The following ISM1 variants were observed in gnomAD, a reference collection of about 807,000 sequenced individuals.
ISM1 encodes the protein isthmin-1.
Under a neutral mutation model 46.3 loss-of-function variants are expected in ISM1, and 25 were observed. The observed-to-expected ratio is 0.54, with a 90% CI of 0.39 to 0.75. The LOEUF is 0.75. Ranked by LOEUF, ISM1 falls within the 30% of genes least tolerant of loss-of-function variation. The pLI is 0.00. For synonymous variants in ISM1, 255 were observed against 256.7 expected (o/e 0.99, Z 0.06); for missense variants, 536 against 625.4 (o/e 0.86, Z 1.52).
rs557747167 is a variant in ISM1 at position 13,288,823 on chromosome 20, C to T, written c.787+140C>T. 1.4e-3 allele frequency: 1,203 copies of T among 869,568 alleles called. 2 individuals carry two copies. Among genetic ancestry groups the T allele is most frequent in the Non-Finnish European group, 1.8e-3 (1,066 of 582,984 alleles). The allele number at this position is 869,568 out of a possible 1,614,324, so 53.9% of individuals were successfully genotyped here. On this transcript the variant is annotated intron_variant, in intron 4 of 5. Coordinates refer to ENST00000262487, the MANE Select transcript of ISM1 (RefSeq NM_080826.2). ...TTTTTGAGACGGAGTCTCTCCCTGT[C>T]GCCCAGGCTGGAGTGCAGTGGCACA...
At chr20:13,222,123 C>G (rs545559696) in intron 1 of ISM1, among the ~76,000 whole-genome samples, 7 of 152,272 alleles carry the variant, frequency 4.6e-5, no homozygotes, top group African/African-American at 1.4e-4. Flanking sequence ...GCTTCCAGGT[C>G]TGCGGGCTGC....
At chr20:13,304,021 T>C (rs1025676701), downstream of ISM1, among the ~76,000 whole-genome samples, 2 of 152,232 alleles carry the variant, frequency 1.3e-5, no homozygotes, top group African/African-American at 2.4e-5. Context: ...TCCTTCCATC[T>C]TGTGGCTCTG....
intron 1 of ISM1, among the ~76,000 whole-genome samples, chr20:13,270,009 T>C (rs1483860353): frequency 2.0e-5 from 3 of 152,012 alleles, no homozygotes; most frequent in Admixed American, 2.0e-4. Context: ...GATAGACAAA[T>C]GGACAGACAA....
intron 2 of ISM1, among the ~76,000 whole-genome samples, chr20:13,277,525 T>G (rs367838964): frequency 2.0e-5 from 3 of 152,304 alleles, no homozygotes; most frequent in Admixed American, 6.5e-5. Flanking sequence ...TCTCCACTTG[T>G]CTTTCTGAGC....
chr20:13,315,917 C>T, the ISM1 span, among the ~76,000 whole-genome samples: 1 of 151,904 alleles, frequency 6.6e-6, no homozygotes, highest in East Asian at 1.9e-4. Context: ...GAAAACATCT[C>T]AAGACAAACT....
intron 3 of ISM1, among the ~76,000 whole-genome samples, chr20:13,284,367 G>C (rs2040269019): frequency 6.6e-6 from 1 of 152,174 alleles, no homozygotes; most frequent in Non-Finnish European, 1.5e-5. Context: ...ACTCGGGATA[G>C]TTTTATTTCC....
chr20:13,268,240 C>G (rs2040068354), intron 1 of ISM1, among the ~76,000 whole-genome samples: 1 of 150,930 alleles, frequency 6.6e-6, no homozygotes, highest in Admixed American at 6.6e-5. Context: ...TCTATTCTTT[C>G]TCTTCTCTTC....
At chr20:13,286,312 G>C (rs954151179) in intron 3 of ISM1, among the ~76,000 whole-genome samples, 1 of 151,800 alleles carries the variant, frequency 6.6e-6, no homozygotes, top group East Asian at 1.9e-4. Context: ...ACACCAGACT[G>C]CAAAGTTCTC....
At chr20:13,288,195 G>A (rs887527277) in intron 3 of ISM1, among the ~76,000 whole-genome samples, 1 of 152,202 alleles carries the variant, frequency 6.6e-6, no homozygotes, top group Non-Finnish European at 1.5e-5. Context: ...GTCAATGAGA[G>A]GCTATAAGCA....
chr20:13,250,345 G>C (rs1004382375), intron 1 of ISM1, among the ~76,000 whole-genome samples: 3 of 152,160 alleles, frequency 2.0e-5, no homozygotes, highest in Non-Finnish European at 4.4e-5. Flanking sequence ...CTTTGATAAG[G>C]CTCAGAGTCG....
chr20:13,291,194 C>A (rs748905241), intron 4 of ISM1, among the ~76,000 whole-genome samples: 1 of 152,198 alleles, frequency 6.6e-6, no homozygotes, highest in Non-Finnish European at 1.5e-5. Context: ...TGGCCAGGAG[C>A]CCTCTTCATA....
At chr20:13,230,900 T>C (rs913215169) in intron 1 of ISM1, among the ~76,000 whole-genome samples, 1 of 152,180 alleles carries the variant, frequency 6.6e-6, no homozygotes, top group Admixed American at 6.5e-5. Flanking sequence ...AGAGGTTAGA[T>C]CAAGTCCAGT....
At chr20:13,323,329 G>C in the ISM1 span, among the ~76,000 whole-genome samples, 37 of 152,158 alleles carry the variant, frequency 2.4e-4, no homozygotes, top group Non-Finnish European at 1.3e-4. Flanking sequence ...GAAACACAAT[G>C]ACTCAGGCGG....
At chr20:13,325,371 A>G in the ISM1 span, among the ~76,000 whole-genome samples, 1 of 152,200 alleles carries the variant, frequency 6.6e-6, no homozygotes, top group African/African-American at 2.4e-5. Flanking sequence ...GAACTCCTGC[A>G]TGCTTGCTCT....
downstream of ISM1, among the ~76,000 whole-genome samples, chr20:13,303,350 C>T (rs1256554190): frequency 6.6e-6 from 1 of 152,188 alleles, no homozygotes; most frequent in African/African-American, 2.4e-5. Context: ...TCTCATAGTC[C>T]ATAAAAGGAT....
intron 1 of ISM1, chr20:13,239,638 G>C (rs779037880): frequency 6.6e-6 from 1 of 152,132 alleles, no homozygotes. Context: ...AGGTTGGACC[G>C]GGGCTTCATC....
At chr20:13,287,606 A>T (rs768310266) in intron 3 of ISM1, among the ~76,000 whole-genome samples, 1 of 152,048 alleles carries the variant, frequency 6.6e-6, no homozygotes, top group African/African-American at 2.4e-5. Flanking sequence ...GTGTTTATTG[A>T]TGATTGTTTC....
intron 5 of ISM1, among the ~76,000 whole-genome samples, chr20:13,295,986 T>C (rs1600568347): frequency 2.0e-5 from 3 of 152,360 alleles, no homozygotes; most frequent in Admixed American, 2.0e-4. Flanking sequence ...TGGTGTCACG[T>C]GCTCCTTGAA....
chr20:13,319,764 G>A, the ISM1 span, among the ~76,000 whole-genome samples: 4 of 152,230 alleles, frequency 2.6e-5, no homozygotes, highest in Non-Finnish European at 4.4e-5. Flanking sequence ...TCTAGAGGGT[G>A]AGAGAGACGT....
Sources: allele counts gnomAD v4.1 joint callset (sites outside exome capture counted in the v4.1 genomes callset), GRCh38; gene constraint gnomAD v4.1.1; transcripts MANE v1.5; gene names NCBI Gene and HGNC (gene_info 2026-07-23, HGNC 2026-07-21).